TAS2R38: variants seen among roughly 807,000 people sequenced by gnomAD.
TAS2R38 encodes the protein taste 2 receptor member 38.
In TAS2R38, 11 loss-of-function variants were observed where a neutral mutation model predicts 16.4. The observed-to-expected ratio is 0.67, with a 90% confidence interval of 0.42 to 1.11. The LOEUF (loss-of-function observed/expected upper bound fraction) is 1.11, where lower values mean the gene tolerates loss of function less well. Among genes scored for constraint, TAS2R38 ranks in the 50% least tolerant of loss-of-function variants. The pLI, the probability that TAS2R38 is intolerant of heterozygous loss-of-function variation, is 0.00. For synonymous variants in TAS2R38, 149 were observed against 155.6 expected (o/e 0.96, Z 0.32); for missense variants, 364 against 395.8 (o/e 0.92, Z 0.68).
rs782000905 is a variant in TAS2R38, at chr7:141,972,673, A to T, written c.*15T>A. On this transcript the variant is annotated 3_prime_UTR_variant, in exon 1 of 1. Coordinates refer to ENST00000547270, the MANE Select transcript of TAS2R38 (RefSeq NM_176817.5). ...TCACAGGCGTATTAATGAAGAGCTC[A>T]TTTCATGTCCATTCTCAGCACAGTG... 2.5e-6 allele frequency: 4 copies of T among 1,585,260 alleles called. No individual in the cohort carries two copies. The highest frequency in any genetic ancestry group is 3.4e-6 in the Non-Finnish European group (4 of 1,164,162).
At position 141,973,683 on chromosome 7, in the gene TAS2R38, T is replaced by A. The variant is rs150525684; in HGVS notation, c.7A>T (p.Thr3Ser). The A allele has an allele frequency of 2.9e-5, 46 of 1,611,498 alleles. No individual in the cohort carries two copies. In the African/African-American group the frequency reaches 5.1e-4, roughly 18 times the overall value. Residue 3 changes from threonine to serine, a missense_variant, in exon 1 of 1, where the codon ACT becomes TCT. By Grantham distance (58) the Thr-to-Ser change is moderately conservative. Coordinates refer to ENST00000547270, the MANE Select transcript of TAS2R38 (RefSeq NM_176817.5). ML[T>S]LTRIRTVSYE... The stretch of plus-strand genomic sequence containing the variant: ...GACACAGTGCGGATGCGAGTTAGAG[T>A]CAACATGATGTCACTTCTCTAATTG...
Position 141,972,975 on chromosome 7 carries a change from G to C in TAS2R38, c.715C>G (p.Leu239Val), listed in dbSNP as rs1554444361. ...TTGAGGGCTTTAATGTGGGCCTCCA[G>C]GCTGGGGTCACGAGAGTTTCTGGTA... ...VYTRNSRDPS[L>V]EAHIKALKSL... is the part of the protein sequence containing the mutation. The change falls in exon 1 of 1, where the codon CTG becomes GTG. Residue 239 changes from leucine (L) to valine (V), a missense_variant. Physicochemically the swap from Leu to Val is conservative, Grantham distance 32. Coordinates refer to ENST00000547270, the MANE Select transcript of TAS2R38 (RefSeq NM_176817.5). The C allele has an allele frequency of 6.2e-7, 1 of 1,614,132 alleles. No individual in the cohort carries two copies. The highest frequency in any genetic ancestry group is 1.1e-5 in the South Asian group (1 of 91,076).
rs1285922163 is a variant in TAS2R38, at chr7:141,973,580, A to G, written c.110T>C (p.Phe37Ser). ...CACTACATCCCAAAAATTCACCAAG[A>G]AAACGAAGGCATTGGTCAGAAACCC... Reference protein sequence around the residue: ...AVGFLTNAFVFLVNFWDVVKR... With the variant: ...AVGFLTNAFVSLVNFWDVVKR... Residue 37 changes from phenylalanine (F) to serine (S), a missense_variant, in exon 1 of 1, where the codon TTC becomes TCC. By Grantham distance (155) the Phe-to-Ser change is radical. Coordinates refer to ENST00000547270, the MANE Select transcript of TAS2R38 (RefSeq NM_176817.5). The G allele has an allele frequency of 1.9e-6, 3 of 1,614,004 alleles. No homozygotes were observed. Among genetic ancestry groups the G allele is most frequent in the Non-Finnish European group, 2.5e-6 (3 of 1,180,016 alleles).
rs781969767 is a variant in TAS2R38 at position 141,972,682 on chromosome 7, C to G, written c.*6G>C. The G allele has an allele frequency of 1.9e-6, 3 of 1,593,652 alleles. No individual in the cohort carries two copies. The highest frequency in any genetic ancestry group is 2.6e-6 in the Non-Finnish European group (3 of 1,168,244). On this transcript the variant is annotated 3_prime_UTR_variant, in exon 1 of 1. Coordinates refer to ENST00000547270, the MANE Select transcript of TAS2R38 (RefSeq NM_176817.5). ...TATTAATGAAGAGCTCATTTCATGT[C>G]CATTCTCAGCACAGTGTCCGGGAAT...
rs1554444469 is a variant in TAS2R38, at chr7:141,973,695, C to T, written c.-6G>A. On this transcript the variant is annotated 5_prime_UTR_variant, in exon 1 of 1. Transcript: ENST00000547270. ...ATGCGAGTTAGAGTCAACATGATGTCACTTCTCTAATTGGCTATTCTACTT... is the reference window on the plus strand; with the variant it reads ...ATGCGAGTTAGAGTCAACATGATGTTACTTCTCTAATTGGCTATTCTACTT... 6.2e-7 allele frequency: 1 copy of T among 1,608,146 alleles called. No homozygotes were observed.
chr7:141,972,813 G>A lies in TAS2R38; in HGVS notation c.877C>T (p.His293Tyr). ...TTGCCTGAGATCAGGATGGCTGCAT[G>A]CCCAGAGGGACAAGCTGCCATTATC... Reference protein sequence around the residue: ...VGIMAACPSGHAAILISGNAK... With the variant: ...VGIMAACPSGYAAILISGNAK... The change falls in exon 1 of 1, where the codon CAT becomes TAT. Residue 293 changes from histidine (H) to tyrosine (Y), a missense_variant. Coordinates refer to ENST00000547270, the MANE Select transcript of TAS2R38 (RefSeq NM_176817.5). 2 of 1,614,132 alleles carry A rather than the reference G, an allele frequency of 1.2e-6. No homozygotes were observed. The highest frequency in any genetic ancestry group is 1.1e-5 in the South Asian group (1 of 91,084).
At position 141,973,728 on chromosome 7, in the gene TAS2R38, C is replaced by T. The variant is rs1318733752; in HGVS notation, c.-39G>A. On this transcript the variant is annotated 5_prime_UTR_variant, in exon 1 of 1. Coordinates refer to ENST00000547270, the MANE Select transcript of TAS2R38 (RefSeq NM_176817.5). ...TAATTGGCTATTCTACTTCTCTTCTCTAGTTGGCTAATCTAAAGACCTGGT... is the reference window on the plus strand; with the variant it reads ...TAATTGGCTATTCTACTTCTCTTCTTTAGTTGGCTAATCTAAAGACCTGGT... 6.3e-7 allele frequency: 1 copy of T among 1,582,940 alleles called. No homozygotes were observed. Among genetic ancestry groups the T allele is most frequent in the South Asian group, 1.2e-5 (1 of 84,424 alleles).
chr7:141,973,748 C>T lies in TAS2R38; in HGVS notation c.-59G>A, dbSNP rs963782056. 2.2e-5 allele frequency: 35 copies of T among 1,556,114 alleles called. 1 individual carries two copies. In the African/African-American group the frequency reaches 3.8e-4, roughly 17 times the overall value. On this transcript the variant is annotated 5_prime_UTR_variant, in exon 1 of 1. Coordinates refer to ENST00000547270, the MANE Select transcript of TAS2R38 (RefSeq NM_176817.5). ...CTTCTCTAGTTGGCTAATCTAAAGACCTGGTTGCCACCCAGTGCAGAAAGG... is the reference window on the plus strand; with the variant it reads ...CTTCTCTAGTTGGCTAATCTAAAGATCTGGTTGCCACCCAGTGCAGAAAGG...
chr7:141,973,117 TA>T lies in TAS2R38; in HGVS notation c.572del (p.Leu191TyrfsTer26). ...RLNWQIKDLNLFYSFLFCYLW... is the reference protein window; with the variant it reads ...RLNWQIKDLNXFYSFLFCYLW... The stretch of plus-strand genomic sequence containing the variant: ...GATAGCAGAAGAGAAAGGAATAAAA[TA>T]AATTGAGATCTTTAATCTGCCAGTT... On this transcript the variant is annotated frameshift_variant, in exon 1 of 1. Coordinates refer to ENST00000547270, the MANE Select transcript of TAS2R38 (RefSeq NM_176817.5). LOFTEE classifies it high-confidence loss of function. The T allele has an allele frequency of 6.2e-7, 1 of 1,613,892 alleles. No homozygotes were observed. The highest frequency in any genetic ancestry group is 8.5e-7 in the Non-Finnish European group (1 of 1,179,982).
Position 141,973,698 on chromosome 7 carries a change from T to C in TAS2R38, c.-9A>G. On this transcript the variant is annotated 5_prime_UTR_variant, in exon 1 of 1. Transcript: ENST00000547270. ...CGAGTTAGAGTCAACATGATGTCAC[T>C]TCTCTAATTGGCTATTCTACTTCTC... The C allele has an allele frequency of 1.2e-6, 2 of 1,607,526 alleles. No homozygotes were observed. Among genetic ancestry groups the C allele is most frequent in the African/African-American group, 1.3e-5 (1 of 74,910 alleles).
In TAS2R38 at chr7:141,973,247, A is replaced by C. The variant is rs782776453; in HGVS notation, c.443T>G (p.Ile148Ser). The C allele has an allele frequency of 3.1e-6, 5 of 1,614,102 alleles. No homozygotes were observed. Among genetic ancestry groups the C allele is most frequent in the Non-Finnish European group, 4.2e-6 (5 of 1,179,996 alleles). ...RKISQMLLGIILCSCICTVLC... is the reference protein window; with the variant it reads ...RKISQMLLGISLCSCICTVLC... ...GACAGTGCAGATGCAGGAGCAAAGA[A>C]TAATACCCAGGAGCATCTGGGAGAT... Residue 148 changes from isoleucine (I) to serine (S), a missense_variant, in exon 1 of 1, where the codon ATT becomes AGT. Ile to Ser is a moderately radical substitution (Grantham distance 142, BLOSUM62 -2). Coordinates refer to ENST00000547270, the MANE Select transcript of TAS2R38 (RefSeq NM_176817.5).
chr7:141,972,910 G>A lies in TAS2R38; in HGVS notation c.780C>T (p.Ser260=). The change falls in exon 1 of 1, where the codon TCC becomes TCT. Residue 260 remains serine, a synonymous_variant. Coordinates refer to ENST00000547270, the MANE Select transcript of TAS2R38 (RefSeq NM_176817.5). The stretch of plus-strand genomic sequence containing the variant: ...GGGGCACAGAGATGAAGGCAGCACA[G>A]GATGATATCACAAAGAAGCAGAAAA... ...VSFFCFFVIS[S]CAAFISVPLL... 2 of 1,614,038 alleles carry A rather than the reference G, an allele frequency of 1.2e-6. No homozygotes were observed. The highest frequency in any genetic ancestry group is 1.7e-6 in the Non-Finnish European group (2 of 1,180,012).
Position 141,973,229 on chromosome 7 carries a change from C to T in TAS2R38, c.461G>A (p.Cys154Tyr). The T allele has an allele frequency of 1.2e-6, 2 of 1,614,100 alleles. No individual in the cohort carries two copies. The highest frequency in any genetic ancestry group is 1.7e-6 in the Non-Finnish European group (2 of 1,180,016). The change falls in exon 1 of 1, where the codon TGC becomes TAC. Residue 154 changes from cysteine (C) to tyrosine (Y), a missense_variant. Physicochemically the swap from Cys to Tyr is radical, Grantham distance 194. Coordinates refer to ENST00000547270, the MANE Select transcript of TAS2R38 (RefSeq NM_176817.5). The stretch of plus-strand genomic sequence containing the variant: ...AAAGCACCAAACACAGAGGACAGTG[C>T]AGATGCAGGAGCAAAGAATAATACC... ...LLGIILCSCI[C>Y]TVLCVWCFFS...
Position 141,973,154 on chromosome 7 carries a change from T to C in TAS2R38, c.536A>G (p.Asn179Ser). ...TVTTVLFMNNNTRLNWQIKDL... is the reference protein window; with the variant it reads ...TVTTVLFMNNSTRLNWQIKDL... The stretch of plus-strand genomic sequence containing the variant: ...TTTAATCTGCCAGTTGAGCCTTGTA[T>C]TGTTATTCATGAATAGCACAGTTGT... The change falls in exon 1 of 1, where the codon AAT becomes AGT. Residue 179 changes from asparagine (N) to serine (S), a missense_variant. By Grantham distance (46) the Asn-to-Ser change is conservative. Coordinates refer to ENST00000547270, the MANE Select transcript of TAS2R38 (RefSeq NM_176817.5). 6.2e-7 allele frequency: 1 copy of C among 1,614,076 alleles called. No homozygotes were observed. The highest frequency in any genetic ancestry group is 1.1e-5 in the South Asian group (1 of 91,080).
At position 141,973,590 on chromosome 7, in the gene TAS2R38, C is replaced by G. The variant is rs782178369; in HGVS notation, c.100G>C (p.Ala34Pro). The G allele has an allele frequency of 7.4e-6, 12 of 1,614,084 alleles. No individual in the cohort carries two copies. The East Asian group carries it at 2.7e-4, about 36-fold the overall frequency. Reference sequence around the variant, plus strand: ...CAAAAATTCACCAAGAAAACGAAGGCATTGGTCAGAAACCCCACTGCAAAC... The same window carrying G: ...CAAAAATTCACCAAGAAAACGAAGGGATTGGTCAGAAACCCCACTGCAAAC... ...LEFAVGFLTN[A>P]FVFLVNFWDV... The change falls in exon 1 of 1, where the codon GCC becomes CCC. Residue 34 changes from alanine to proline, a missense_variant. Physicochemically the swap from Ala to Pro is conservative, Grantham distance 27. Transcript: ENST00000547270.
rs1584866988 is a variant in TAS2R38, at chr7:141,973,772, G to A, written c.-83C>T. The A allele has an allele frequency of 1.4e-6, 2 of 1,474,334 alleles. No individual in the cohort carries two copies. Among genetic ancestry groups the A allele is most frequent in the Admixed American group, 1.9e-5 (1 of 52,152 alleles). 91.3% of individuals were successfully genotyped at this position (1,474,334 alleles called of 1,614,324 possible). A position where few individuals can be genotyped will look rare whatever the true frequency, so the allele number is the denominator to read the frequency against. ...ACCTGGTTGCCACCCAGTGCAGAAAGGTAAATGTACGTTCCAAGCCAGGAC... is the reference window on the plus strand; with the variant it reads ...ACCTGGTTGCCACCCAGTGCAGAAAAGTAAATGTACGTTCCAAGCCAGGAC... On this transcript the variant is annotated 5_prime_UTR_variant, in exon 1 of 1. Transcript: ENST00000547270.
In TAS2R38 at chr7:141,973,232, A is replaced by T. The variant is rs1554444394; in HGVS notation, c.458T>A (p.Ile153Asn). 4 of 1,614,162 alleles carry T rather than the reference A, an allele frequency of 2.5e-6. No homozygotes were observed. In the Admixed American group the frequency reaches 6.7e-5, roughly 27 times the overall value. ...MLLGIILCSC[I>N]CTVLCVWCFF... The stretch of plus-strand genomic sequence containing the variant: ...GCACCAAACACAGAGGACAGTGCAG[A>T]TGCAGGAGCAAAGAATAATACCCAG... Residue 153 changes from isoleucine to asparagine, a missense_variant, in exon 1 of 1, where the codon ATC becomes AAC. Physicochemically the swap from Ile to Asn is moderately radical, Grantham distance 149 (BLOSUM62 -3). Coordinates refer to ENST00000547270, the MANE Select transcript of TAS2R38 (RefSeq NM_176817.5).
rs1803399456 is a variant in TAS2R38 at position 141,973,237 on chromosome 7, G to A, written c.453C>T (p.Ser151=). 6.2e-7 allele frequency: 1 copy of A among 1,614,098 alleles called. No homozygotes were observed. Among genetic ancestry groups the A allele is most frequent in the East Asian group, 2.2e-5 (1 of 44,868 alleles). The change falls in exon 1 of 1, where the codon TCC becomes TCT. Residue 151 remains serine (S), a synonymous_variant. Coordinates refer to ENST00000547270, the MANE Select transcript of TAS2R38 (RefSeq NM_176817.5). ...AAACACAGAGGACAGTGCAGATGCA[G>A]GAGCAAAGAATAATACCCAGGAGCA... The part of the protein sequence containing the change: ...SQMLLGIILC[S]CICTVLCVWC...
Position 141,973,589 on chromosome 7 carries a change from G to T in TAS2R38, c.101C>A (p.Ala34Asp), listed in dbSNP as rs1584866844. 1 of 1,614,034 alleles carries T rather than the reference G, an allele frequency of 6.2e-7. No individual in the cohort carries two copies. Among genetic ancestry groups the T allele is most frequent in the Non-Finnish European group, 8.5e-7 (1 of 1,180,010 alleles). Residue 34 changes from alanine (A) to aspartate (D), a missense_variant, in exon 1 of 1, where the codon GCC becomes GAC. By Grantham distance (126) the Ala-to-Asp change is moderately radical (BLOSUM62 -2). Transcript: ENST00000547270. Reference sequence around the variant, plus strand: ...CCAAAAATTCACCAAGAAAACGAAGGCATTGGTCAGAAACCCCACTGCAAA... The same window carrying T: ...CCAAAAATTCACCAAGAAAACGAAGTCATTGGTCAGAAACCCCACTGCAAA... ...LEFAVGFLTN[A>D]FVFLVNFWDV...
Sources: allele counts gnomAD v4.1 joint callset, GRCh38; gene constraint gnomAD v4.1.1; transcripts MANE v1.5; gene names NCBI Gene and HGNC (gene_info 2026-07-23, HGNC 2026-07-21).